Variants in TLK2 observed in about 807,000 individuals in gnomAD.
The protein encoded by TLK2 is tousled like kinase 2, also known as serine/threonine-protein kinase tousled-like 2.
A neutral mutation model predicts 117.3 loss-of-function variants in TLK2; 6 were observed. The ratio of observed to expected loss-of-function variants is 0.05; its 90% CI spans 0.03 to 0.10. The LOEUF is 0.10. Among genes scored for constraint, TLK2 ranks in the 10% least tolerant of loss-of-function variants. TLK2 has a pLI of 1.00. For synonymous variants in TLK2, 257 were observed against 316.7 expected (o/e 0.81, Z 2.00); for missense variants, 299 against 901.2 (o/e 0.33, Z 8.56).
At chr17:62,513,845 G>A (rs545147308) in intron 2 of TLK2, among the ~76,000 whole-genome samples, 4 of 151,894 alleles carry the variant, frequency 2.6e-5, no homozygotes, top group Non-Finnish European at 4.4e-5. Context: ...CTGCCACCAC[G>A]TCCAGCTAAT....
intron 6 of TLK2, among the ~76,000 whole-genome samples, chr17:62,526,468 AT>A (rs2076373172): frequency 6.6e-6 from 1 of 152,156 alleles, no homozygotes; most frequent in Non-Finnish European, 1.5e-5. Context: ...CCTACTGCAG[AT>A]TTGCCAAGCT....
intron 3 of TLK2, among the ~76,000 whole-genome samples, chr17:62,521,853 A>G (rs1474211204): frequency 6.6e-6 from 1 of 152,222 alleles, no homozygotes; most frequent in Non-Finnish European, 1.5e-5. Context: ...TTGGATTTAA[A>G]GTAGAAGTAG....
intron 21 of TLK2, among the ~76,000 whole-genome samples, chr17:62,610,161 A>G (rs1040929642): frequency 2.6e-5 from 4 of 152,264 alleles, no homozygotes; most frequent in African/African-American, 9.6e-5. Context: ...TATTCAATAA[A>G]TAGGTGAACA....
At chr17:62,548,679 C>T (rs572707141) in intron 7 of TLK2, among the ~76,000 whole-genome samples, 1 of 152,194 alleles carries the variant, frequency 6.6e-6, no homozygotes. Context: ...CATATTTAAA[C>T]CAATATACCA....
rs117213172 is a variant in TLK2 at position 62,599,375 on chromosome 17, A to G, written c.1551-1276A>G. ...AAGGCCTCAAATTGCTCAGTGGCCCATAGCGCTAGACCTGAGTCTGTTTGC... is the reference window on the plus strand; with the variant it reads ...AAGGCCTCAAATTGCTCAGTGGCCCGTAGCGCTAGACCTGAGTCTGTTTGC... On this transcript the variant is annotated intron_variant, in intron 17 of 21. Coordinates refer to ENST00000346027, the MANE Select transcript of TLK2 (RefSeq NM_006852.6). Among the ~76,000 whole-genome samples, 512 of 152,350 alleles carry G rather than the reference A, an allele frequency of 3.4e-3. 9 individuals carry two copies. Among genetic ancestry groups the G allele is most frequent in the Admixed American group, 0.026 (392 of 15,300 alleles).
intron 15 of TLK2, among the ~76,000 whole-genome samples, chr17:62,581,009 TTTTA>T (rs545318921): frequency 1.2e-3 from 182 of 152,110 alleles, no homozygotes; most frequent in Non-Finnish European, 2.1e-3. Context: ...TAAATTGTGG[TTTTA>T]TTTATTTATT....
chr17:62,552,111 C>T, intron 7 of TLK2, 191 bp from the exon 8 acceptor site: 1 of 837,030 alleles, frequency 1.2e-6, no homozygotes, highest in South Asian at 1.8e-5. Flanking sequence ...TATAAACCAC[C>T]ATGTCCAGCC....
At chr17:62,504,581 A>G (rs181924676) in intron 2 of TLK2, among the ~76,000 whole-genome samples, 13 of 152,222 alleles carry the variant, frequency 8.5e-5, no homozygotes, top group South Asian at 6.2e-4. Flanking sequence ...AGGTGGGTGG[A>G]TCTGTAGAGC....
intron 2 of TLK2, among the ~76,000 whole-genome samples, chr17:62,491,495 G>GT (rs2073106966): frequency 6.6e-6 from 1 of 152,174 alleles, no homozygotes; most frequent in African/African-American, 2.4e-5. Flanking sequence ...CTGGTGGTAT[G>GT]TTTCACTTGA....
chr17:62,600,007 A>T (rs1416091132), intron 17 of TLK2, among the ~76,000 whole-genome samples: 1 of 152,208 alleles, frequency 6.6e-6, no homozygotes, highest in Non-Finnish European at 1.5e-5. Context: ...AGAACCATAG[A>T]TACTATACTT....
intron 2 of TLK2, among the ~76,000 whole-genome samples, chr17:62,518,634 A>T (rs2075804226): frequency 6.6e-6 from 1 of 152,022 alleles, no homozygotes. Context: ...TGAATCTGGG[A>T]GGCAGGGGTT....
At chr17:62,516,781 G>A in intron 2 of TLK2, 3 of 1,483,230 alleles carry the variant, frequency 2.0e-6, no homozygotes, top group Non-Finnish European at 1.9e-6. Context: ...TGCAGCTGCA[G>A]GGTCCGGGGC....
intron 2 of TLK2, among the ~76,000 whole-genome samples, chr17:62,518,658 A>T (rs577911201): frequency 1.0e-3 from 154 of 152,234 alleles, no homozygotes; most frequent in African/African-American, 3.4e-3. Context: ...GTGAGCTGAT[A>T]TCACACCTTT....
intron 9 of TLK2, 119 bp downstream of exon 9, chr17:62,553,874 G>A: frequency 2.9e-6 from 2 of 681,852 alleles, no homozygotes; most frequent in Non-Finnish European, 4.9e-6. Flanking sequence ...ATAAACATTT[G>A]GGTATTTTTC....
chr17:62,537,580 T>G (rs2077200537), intron 7 of TLK2, among the ~76,000 whole-genome samples: 7 of 152,194 alleles, frequency 4.6e-5, no homozygotes, highest in Admixed American at 4.6e-4. Flanking sequence ...TGTAGGTGTG[T>G]GTGTGCAACA....
chr17:62,475,691 G>A (rs555962453), upstream of TLK2, among the ~76,000 whole-genome samples: 93 of 148,940 alleles, frequency 6.2e-4, no homozygotes, highest in African/African-American at 1.1e-3. Context: ...ACGGAGTCTC[G>A]CTCTGTCACC....
chr17:62,518,971 A>G (rs35782863), intron 2 of TLK2, among the ~76,000 whole-genome samples: 1 of 152,128 alleles, frequency 6.6e-6, no homozygotes, highest in Non-Finnish European at 1.5e-5. Flanking sequence ...TGCAACCTCT[A>G]CTTCTCGGGC....
chr17:62,533,864 T>C (rs1337901809), intron 6 of TLK2, among the ~76,000 whole-genome samples: 1 of 152,222 alleles, frequency 6.6e-6, no homozygotes, highest in Non-Finnish European at 1.5e-5. Context: ...CTTCTTGTAA[T>C]TTTTTATATA....
chr17:62,548,246 G>A (rs1253116295), intron 7 of TLK2, among the ~76,000 whole-genome samples: 2 of 141,464 alleles, frequency 1.4e-5, no homozygotes, highest in African/African-American at 2.6e-5. Context: ...ATATATGTGT[G>A]TGTGTGTGTG....
Sources: allele counts gnomAD v4.1 joint callset (sites outside exome capture counted in the v4.1 genomes callset), GRCh38; gene constraint gnomAD v4.1.1; transcripts MANE v1.5; gene names NCBI Gene and HGNC (gene_info 2026-07-23, HGNC 2026-07-21).